PTK2B: variants seen among roughly 807,000 people sequenced by gnomAD.
The protein encoded by PTK2B is protein tyrosine kinase 2 beta.
A neutral mutation model predicts 142.9 loss-of-function variants in PTK2B; 71 were observed. The observed-to-expected ratio is 0.50, with a 90% CI of 0.41 to 0.61. The LOEUF (loss-of-function observed/expected upper bound fraction) is 0.61. PTK2B is among the 20% of genes least tolerant of loss of function. The pLI, the probability that PTK2B is intolerant of heterozygous loss-of-function variation, is 0.00. For missense variants in PTK2B, 1,105 were observed against 1,320.4 expected, an observed-to-expected ratio of 0.84 and a Z score of 2.53; for synonymous variants, 519 against 503.4, an observed-to-expected ratio of 1.03 and a Z score of -0.42.
intron 1 of PTK2B, among the ~76,000 whole-genome samples, chr8:27,370,336 G>A (rs561201194): frequency 1.3e-5 from 2 of 152,312 alleles, no homozygotes; most frequent in East Asian, 3.9e-4. Context: ...ACCAGAGGGT[G>A]GGAAGGTTTA....
chr8:27,430,106 G>C lies in PTK2B; in HGVS notation c.565G>C (p.Asp189His), dbSNP rs747944708. Residue 189 changes from aspartate to histidine, a missense_variant, in exon 6 of 31, where the codon GAT (aspartate) becomes CAT (histidine). Coordinates refer to ENST00000346049, the MANE Select transcript of PTK2B (RefSeq NM_173176.3). The stretch of plus-strand genomic sequence containing the variant: ...CTATTTCTCCAGGCGGTTCTTCAAG[G>C]ATATGCCCCACAATGCACTTGACAA... ...GCLELRRFFK[D>H]MPHNALDKKS... is the part of the protein sequence containing the mutation. 6 of 1,613,846 alleles carry C rather than the reference G, an allele frequency of 3.7e-6. No individual in the cohort carries two copies. In the South Asian group the frequency reaches 5.5e-5, roughly 15 times the overall value.
chr8:27,455,838 C>A (rs139159282), intron 30 of PTK2B, among the ~76,000 whole-genome samples: 1,633 of 152,364 alleles, frequency 0.011, 16 homozygotes, highest in Middle Eastern at 0.041. Flanking sequence ...CATAGGCACA[C>A]AATACAGTGC....
At chr8:27,431,064 T>G in intron 8 of PTK2B, 48 bp downstream of exon 8, 1 of 1,582,220 alleles carries the variant, frequency 6.3e-7, no homozygotes, top group Non-Finnish European at 8.6e-7. Context: ...ATTCCAGGCC[T>G]CTCGGAAAAG....
chr8:27,444,366 A>G, intron 23 of PTK2B, 95 bp downstream of exon 23: 1 of 1,414,186 alleles, frequency 7.1e-7, no homozygotes, highest in Non-Finnish European at 9.9e-7. Context: ...GCAGTCACCC[A>G]CTTGGGTGAT....
At chr8:27,431,892 G>C (rs28580551) in intron 9 of PTK2B, among the ~76,000 whole-genome samples, 21,467 of 152,170 alleles carry the variant, frequency 0.14, 1,540 homozygotes, top group African/African-American at 0.16. Context: ...GGCATAGGGA[G>C]GGGCTTGGTC....
chr8:27,378,283 T>C (rs1806789103), intron 1 of PTK2B, among the ~76,000 whole-genome samples: 1 of 152,246 alleles, frequency 6.6e-6, no homozygotes, highest in African/African-American at 2.4e-5. Context: ...GTCCAGGGGC[T>C]TTAGCCCAGA....
chr8:27,437,046 C>T (rs1040532385), intron 15 of PTK2B, 76 bp from the exon 16 acceptor site: 3 of 1,413,874 alleles, frequency 2.1e-6, no homozygotes, highest in East Asian at 2.3e-5. Flanking sequence ...TGCAGGAGGC[C>T]ATGGGGAGGC....
rs747366644 is a variant in PTK2B at position 27,433,534 on chromosome 8, A to G, written c.1087A>G (p.Ile363Val). The change falls in exon 11 of 31, where the codon ATC (isoleucine) becomes GTC (valine). Residue 363 changes from isoleucine to valine, a missense_variant. Transcript: ENST00000346049. ...GCAGGGTGAGCACCAAGGCTCTCTC[A>G]TCATCCATCCTAGGAAAGGTGGGTT... ...RLQGEHQGSLIIHPRKDGEKR... is the reference protein window; with the variant it reads ...RLQGEHQGSLVIHPRKDGEKR... 2 of 1,613,242 alleles carry G rather than the reference A, an allele frequency of 1.2e-6. No homozygotes were observed. Among genetic ancestry groups the G allele is most frequent in the South Asian group, 1.1e-5 (1 of 91,074 alleles).
At chr8:27,341,612 C>T (rs1382027041) in intron 1 of PTK2B, among the ~76,000 whole-genome samples, 3 of 152,186 alleles carry the variant, frequency 2.0e-5, no homozygotes, top group Admixed American at 2.0e-4. Flanking sequence ...GGACTCACTG[C>T]AGCCCTTCAG....
chr8:27,359,179 G>A (rs189519603), intron 1 of PTK2B, among the ~76,000 whole-genome samples: 2 of 152,138 alleles, frequency 1.3e-5, no homozygotes, highest in Admixed American at 6.5e-5. Flanking sequence ...GCAGTGGCGC[G>A]ATCTCAGCTC....
At chr8:27,441,897 A>G (rs974529400) in intron 21 of PTK2B, among the ~76,000 whole-genome samples, 1 of 151,814 alleles carries the variant, frequency 6.6e-6, no homozygotes, top group East Asian at 1.9e-4. Context: ...TGTTCCCATC[A>G]TCTCCTGGGC....
At chr8:27,337,013 G>A (rs1307710889) in intron 1 of PTK2B, among the ~76,000 whole-genome samples, 3 of 124,488 alleles carry the variant, frequency 2.4e-5, no homozygotes, top group Non-Finnish European at 4.8e-5. Context: ...TTTAATAACC[G>A]CTAATTAATA....
chr8:27,395,819 T>C (rs1487534228), intron 1 of PTK2B, among the ~76,000 whole-genome samples: 3 of 152,164 alleles, frequency 2.0e-5, no homozygotes, highest in Non-Finnish European at 4.4e-5. Context: ...TTCTCTGATG[T>C]TTCCTGGGGT....
intron 1 of PTK2B, among the ~76,000 whole-genome samples, chr8:27,368,785 C>T (rs1806167543): frequency 6.6e-6 from 1 of 152,214 alleles, no homozygotes; most frequent in African/African-American, 2.4e-5. Context: ...ACACTGACCA[C>T]TCTTGCTGGG....
At chr8:27,402,846 A>G (rs1460343194) in intron 2 of PTK2B, among the ~76,000 whole-genome samples, 2 of 152,216 alleles carry the variant, frequency 1.3e-5, no homozygotes, top group Non-Finnish European at 2.9e-5. Context: ...ATAGCCACAT[A>G]ACATCTTCCC....
chr8:27,434,515 A>G lies in PTK2B; in HGVS notation c.1148A>G (p.Asn383Ser). The G allele has an allele frequency of 6.2e-7, 1 of 1,609,428 alleles. No homozygotes were observed. The change falls in exon 13 of 31, where the codon AAC (asparagine) becomes AGC (serine). Residue 383 changes from asparagine (N) to serine (S), a missense_variant and splice_region_variant. Coordinates refer to ENST00000346049, the MANE Select transcript of PTK2B (RefSeq NM_173176.3). ...TTCTGCTCTCTCACCTCCTACAGAA[A>G]CCTGGAGGCCCGGCGGTCCCACCTC... ...RNSLPQIPML[N>S]LEARRSHLSE...
At chr8:27,373,555 A>T (rs1806485564) in intron 1 of PTK2B, among the ~76,000 whole-genome samples, 1 of 152,112 alleles carries the variant, frequency 6.6e-6, no homozygotes, top group Non-Finnish European at 1.5e-5. Flanking sequence ...GGTGGCACAC[A>T]CCTATAGTTC....
chr8:27,379,034 A>G (rs1806851974), intron 1 of PTK2B, among the ~76,000 whole-genome samples: 1 of 152,176 alleles, frequency 6.6e-6, no homozygotes, highest in Non-Finnish European at 1.5e-5. Flanking sequence ...GATGAAACCC[A>G]GGATTCAGGA....
At chr8:27,434,242 C>T (rs1238069769) in intron 12 of PTK2B, 110 bp downstream of exon 12, 4 of 1,358,128 alleles carry the variant, frequency 2.9e-6, no homozygotes, top group African/African-American at 1.5e-5. Context: ...CTTTCAGGCC[C>T]AGGAGAACCC....
Sources: allele counts gnomAD v4.1 joint callset (sites outside exome capture counted in the v4.1 genomes callset), GRCh38; gene constraint gnomAD v4.1.1; transcripts MANE v1.5; gene names NCBI Gene and HGNC (gene_info 2026-07-23, HGNC 2026-07-21).